ATG10: variants seen among roughly 807,000 people sequenced by gnomAD.
ATG10 encodes autophagy related 10.
In ATG10, 30 loss-of-function variants were observed where a neutral mutation model predicts 32.1. The observed-to-expected ratio is 0.94, with a 90% confidence interval of 0.70 to 1.27. The LOEUF is 1.27. Among genes scored for constraint, ATG10 ranks in the 50% most tolerant of loss-of-function variants. The pLI is 0.00. For synonymous variants in ATG10, 87 were observed against 91.5 expected (o/e 0.95, Z 0.28); for missense variants, 233 against 262.3 (o/e 0.89, Z 0.77).
chr5:81,984,588 AT>A (rs1761199743), intron 1 of ATG10, among the ~76,000 whole-genome samples: 1 of 152,166 alleles, frequency 6.6e-6, no homozygotes, highest in South Asian at 2.1e-4. Context: ...CATATCTAAG[AT>A]TTTTCATTTG....
rs377766248 is a variant in ATG10 at position 82,049,254 on chromosome 5, C to T, written c.109-9241C>T. Among the ~76,000 whole-genome samples, 386 of 151,622 alleles carry T rather than the reference C, an allele frequency of 2.5e-3. 2 individuals are homozygous for T. The highest frequency in any genetic ancestry group is 8.0e-3 in the African/African-American group (330 of 41,206). Reference sequence around the variant, plus strand: ...TGAGTTCATGTCCTTTGTAGGGACGCGGATGAAATTGGAAATCATCATTCT... The same window carrying T: ...TGAGTTCATGTCCTTTGTAGGGACGTGGATGAAATTGGAAATCATCATTCT... On this transcript the variant is annotated intron_variant, in intron 2 of 7. Coordinates refer to ENST00000282185, the MANE Select transcript of ATG10 (RefSeq NM_031482.5).
At chr5:81,985,876 C>T (rs1034785949) in intron 1 of ATG10, among the ~76,000 whole-genome samples, 2 of 152,202 alleles carry the variant, frequency 1.3e-5, no homozygotes, top group African/African-American at 4.8e-5. Flanking sequence ...CATTCTCCTG[C>T]CTCAGCCTCT....
chr5:82,207,781 T>G (rs992196637), intron 5 of ATG10, among the ~76,000 whole-genome samples: 1 of 152,204 alleles, frequency 6.6e-6, no homozygotes, highest in Non-Finnish European at 1.5e-5. Flanking sequence ...TATATTGCAC[T>G]GCCCAATGCA....
chr5:81,980,111 C>G (rs757937384), intron 1 of ATG10, among the ~76,000 whole-genome samples: 1 of 152,072 alleles, frequency 6.6e-6, no homozygotes, highest in African/African-American at 2.4e-5. Flanking sequence ...TCTACTGTTA[C>G]GTGTTTGAAT....
chr5:82,196,210 C>T (rs760006885), intron 5 of ATG10, among the ~76,000 whole-genome samples: 1 of 151,962 alleles, frequency 6.6e-6, no homozygotes, highest in Non-Finnish European at 1.5e-5. Flanking sequence ...ATACTCAAAT[C>T]CTTTGTGCAC....
At chr5:82,007,551 C>T (rs1475394512) in intron 2 of ATG10, among the ~76,000 whole-genome samples, 1 of 152,154 alleles carries the variant, frequency 6.6e-6, no homozygotes, top group Non-Finnish European at 1.5e-5. Context: ...CTACTGGGCT[C>T]AAGTGATCTT....
intron 2 of ATG10, among the ~76,000 whole-genome samples, chr5:82,004,812 T>C (rs905707450): frequency 1.4e-4 from 21 of 152,200 alleles, no homozygotes; most frequent in Non-Finnish European, 4.4e-5. Flanking sequence ...ACTTTCCTTT[T>C]CTGTATTTAT....
intron 5 of ATG10, among the ~76,000 whole-genome samples, chr5:82,220,247 A>AGGACAGGTG (rs1745860952): frequency 6.6e-6 from 1 of 151,790 alleles, no homozygotes; most frequent in Non-Finnish European, 1.5e-5. Flanking sequence ...GGGACAGAGC[A>AGGACAGGTG]GGACAGGTGG....
At chr5:82,232,266 C>G (rs1746393051) in intron 5 of ATG10, among the ~76,000 whole-genome samples, 1 of 152,102 alleles carries the variant, frequency 6.6e-6, no homozygotes, top group Non-Finnish European at 1.5e-5. Flanking sequence ...AGAATTAATG[C>G]TTGGAAAGTG....
intron 3 of ATG10, among the ~76,000 whole-genome samples, chr5:82,064,040 C>A (rs1255539185): frequency 2.6e-5 from 4 of 152,258 alleles, no homozygotes; most frequent in African/African-American, 9.6e-5. Flanking sequence ...GATAGATGAA[C>A]TCAAAGAATA....
intron 2 of ATG10, among the ~76,000 whole-genome samples, chr5:82,027,069 AT>A (rs1762613344): frequency 1.2e-5 from 1 of 86,420 alleles, no homozygotes; most frequent in Non-Finnish European, 2.6e-5. Flanking sequence ...AGAAAAATGA[AT>A]AAATAAAATA....
intron 4 of ATG10, among the ~76,000 whole-genome samples, 165 bp downstream of exon 4, chr5:82,164,702 G>T (rs1743508729): frequency 6.6e-6 from 1 of 152,168 alleles, no homozygotes; most frequent in Admixed American, 6.5e-5. Context: ...TTCAGAAAGG[G>T]TATCAAGACT....
chr5:82,033,846 A>C (rs777173980), intron 2 of ATG10, among the ~76,000 whole-genome samples: 1 of 151,140 alleles, frequency 6.6e-6, no homozygotes, highest in Non-Finnish European at 1.5e-5. Context: ...ATATCTATAC[A>C]TAGGTATAGA....
At chr5:82,247,611 G>A (rs961970548) in intron 5 of ATG10, among the ~76,000 whole-genome samples, 1 of 151,860 alleles carries the variant, frequency 6.6e-6, no homozygotes, top group Non-Finnish European at 1.5e-5. Context: ...TGAATTATTT[G>A]TAAATCCAAC....
chr5:82,086,115 C>T (rs1764680949), intron 3 of ATG10, among the ~76,000 whole-genome samples: 1 of 152,018 alleles, frequency 6.6e-6, no homozygotes. Flanking sequence ...CACCAAATTA[C>T]CATTTCCCAT....
chr5:82,154,990 T>C (rs957558454), intron 3 of ATG10, among the ~76,000 whole-genome samples: 1 of 152,236 alleles, frequency 6.6e-6, no homozygotes, highest in African/African-American at 2.4e-5. Context: ...CACAGTCCTC[T>C]AACATTCCTA....
At chr5:82,088,985 T>A (rs1322490250) in intron 3 of ATG10, among the ~76,000 whole-genome samples, 1 of 152,158 alleles carries the variant, frequency 6.6e-6, no homozygotes, top group Non-Finnish European at 1.5e-5. Context: ...GAACCTTTTT[T>A]AAAGAAAGAA....
intron 2 of ATG10, among the ~76,000 whole-genome samples, chr5:82,015,075 T>G (rs915559174): frequency 6.6e-6 from 1 of 152,210 alleles, no homozygotes; most frequent in Admixed American, 6.5e-5. Flanking sequence ...TTATTTCTCC[T>G]TCACTTATGA....
intron 3 of ATG10, among the ~76,000 whole-genome samples, chr5:82,077,119 C>T (rs868479454): frequency 7.9e-5 from 12 of 152,056 alleles, no homozygotes; most frequent in Admixed American, 5.3e-4. Context: ...CTCAGGAGTT[C>T]GAGACCAGCC....
Sources: allele counts gnomAD v4.1 joint callset (sites outside exome capture counted in the v4.1 genomes callset), GRCh38; gene constraint gnomAD v4.1.1; transcripts MANE v1.5; gene names NCBI Gene and HGNC (gene_info 2026-07-23, HGNC 2026-07-21).